Variants in EXOC6B observed in about 807,000 individuals in gnomAD.
EXOC6B encodes the protein SEC15 homolog B.
Under a neutral mutation model 113.5 loss-of-function variants are expected in EXOC6B, and 54 were observed. The observed-to-expected ratio is 0.48, with a 90% CI of 0.38 to 0.60. EXOC6B has a LOEUF of 0.60. EXOC6B is among the 20% of genes least tolerant of loss of function. The pLI, the probability that EXOC6B is intolerant of heterozygous loss-of-function variation, is 0.00. For synonymous variants in EXOC6B, 357 were observed against 339.0 expected, an observed-to-expected ratio of 1.05 and a Z score of -0.58; for missense variants, 797 against 977.5, an observed-to-expected ratio of 0.82 and a Z score of 2.46.
At chr2:72,268,662 TG>T (rs1246462062) in intron 20 of EXOC6B, among the ~76,000 whole-genome samples, 1 of 152,076 alleles carries the variant, frequency 6.6e-6, no homozygotes, top group African/African-American at 2.4e-5. Context: ...GTTTGGGTCA[TG>T]GGGGCGGATC....
In EXOC6B at chr2:72,725,263, C is replaced by A. The variant is rs554044337; in HGVS notation, c.464+5744G>T. 2.0e-5 allele frequency among the ~76,000 whole-genome samples: 3 copies of A among 152,254 alleles called. No individual in the cohort carries two copies. The South Asian group carries it at 6.2e-4, about 32-fold the overall frequency. ...CTCAGAAGCCAGAAGACAATGAAAT[C>A]ATCATGTCTTATAAACTAATGAAAC... is the stretch of plus-strand genomic sequence containing the variant. On this transcript the variant is annotated intron_variant, in intron 5 of 21. Coordinates refer to ENST00000272427, the MANE Select transcript of EXOC6B (RefSeq NM_015189.3).
chr2:72,562,904 C>A (rs1703967030), intron 7 of EXOC6B, among the ~76,000 whole-genome samples: 1 of 152,102 alleles, frequency 6.6e-6, no homozygotes, highest in Non-Finnish European at 1.5e-5. Flanking sequence ...GATTATCCTG[C>A]TTTTTTAACT....
At chr2:72,425,903 T>G (rs1487974717) in intron 18 of EXOC6B, among the ~76,000 whole-genome samples, 2 of 152,218 alleles carry the variant, frequency 1.3e-5, no homozygotes, top group Non-Finnish European at 2.9e-5. Context: ...TACTTGATTT[T>G]TAAAAACATT....
intron 18 of EXOC6B, among the ~76,000 whole-genome samples, 177 bp from the exon 19 acceptor site, chr2:72,380,047 T>C (rs763932882): frequency 6.6e-5 from 10 of 152,224 alleles, no homozygotes; most frequent in Non-Finnish European, 1.3e-4. Context: ...GCAATCATCT[T>C]ATATAATAGC....
intron 18 of EXOC6B, chr2:72,464,534 C>G (rs1697914331): frequency 6.6e-6 from 1 of 152,264 alleles, no homozygotes; most frequent in Non-Finnish European, 1.5e-5. Flanking sequence ...AAAACATGAA[C>G]CTTTTCTGGT....
rs539032982 is a variant in EXOC6B at position 72,581,070 on chromosome 2, C to T, written c.670-5402G>A. Reference sequence around the variant, plus strand: ...AGAGAAACCAAAGCTACAATAACATCCCATCAACAATACAGTAAAGTGGAA... The same window carrying T: ...AGAGAAACCAAAGCTACAATAACATTCCATCAACAATACAGTAAAGTGGAA... On this transcript the variant is annotated intron_variant, in intron 6 of 21. Coordinates refer to ENST00000272427, the MANE Select transcript of EXOC6B (RefSeq NM_015189.3). Among the ~76,000 whole-genome samples the T allele has an allele frequency of 5.3e-5, 8 of 152,300 alleles. 1 individual carries two copies. Among genetic ancestry groups the T allele is most frequent in the African/African-American group, 1.9e-4 (8 of 41,554 alleles).
chr2:72,307,160 A>AGTTTTTTTTT (rs1686914144), intron 20 of EXOC6B, among the ~76,000 whole-genome samples: 2 of 107,760 alleles, frequency 1.9e-5, no homozygotes, highest in African/African-American at 1.7e-4. Flanking sequence ...GGTATAGTCC[A>AGTTTTTTTTT]GTTTTTTTTT....
At chr2:72,561,209 C>T (rs779546225) in intron 7 of EXOC6B, among the ~76,000 whole-genome samples, 3 of 151,872 alleles carry the variant, frequency 2.0e-5, no homozygotes, top group Non-Finnish European at 4.4e-5. Flanking sequence ...TACAGCTAAG[C>T]AAAACACATT....
intron 20 of EXOC6B, among the ~76,000 whole-genome samples, chr2:72,301,101 CAT>C (rs1477288656): frequency 7.4e-6 from 1 of 135,596 alleles, no homozygotes; most frequent in Non-Finnish European, 1.5e-5. Context: ...TTGATATAAT[CAT>C]GTGATTTTTT....
At chr2:72,305,322 G>GTGTATATGTATA (rs3036342) in intron 20 of EXOC6B, among the ~76,000 whole-genome samples, 31,664 of 144,348 alleles carry the variant, frequency 0.22, 4,028 homozygotes, top group Admixed American at 0.27. Context: ...ATATGGGTGT[G>GTGTATATGTATA]TGTATATGTA....
intron 6 of EXOC6B, among the ~76,000 whole-genome samples, chr2:72,601,339 T>G (rs1411282621): frequency 6.6e-6 from 1 of 151,968 alleles, no homozygotes; most frequent in Non-Finnish European, 1.5e-5. Context: ...CCCACCACCA[T>G]GCCCAGCTAA....
rs62149326 is a variant in EXOC6B at position 72,460,788 on chromosome 2, C to A, written c.1980+4372G>T. On this transcript the variant is annotated intron_variant, in intron 18 of 21. Transcript: ENST00000272427. ...CTGTAAACTAGTTCAACCATTGTGG[C>A]AGTCAGTGTGGTGATTCCTCAGGGA... Among the ~76,000 whole-genome samples, 1,294 of 151,598 alleles carry A rather than the reference C, an allele frequency of 8.5e-3. 25 individuals carry two copies. The highest frequency in any genetic ancestry group is 0.029 in the African/African-American group (1,184 of 41,026).
intron 20 of EXOC6B, among the ~76,000 whole-genome samples, chr2:72,259,177 C>T (rs1425979083): frequency 6.6e-6 from 1 of 152,174 alleles, no homozygotes; most frequent in Non-Finnish European, 1.5e-5. Flanking sequence ...CCCAGTACCA[C>T]CTCTCAGAGG....
chr2:72,743,264 A>C (rs1457752928), intron 1 of EXOC6B, among the ~76,000 whole-genome samples: 1 of 151,806 alleles, frequency 6.6e-6, no homozygotes, highest in African/African-American at 2.4e-5. Flanking sequence ...CTTTCCATCT[A>C]CTCCACCCCC....
intron 19 of EXOC6B, among the ~76,000 whole-genome samples, chr2:72,367,060 T>C (rs1244320111): frequency 1.3e-5 from 2 of 152,054 alleles, no homozygotes; most frequent in Non-Finnish European, 2.9e-5. Context: ...ATAAAATAAA[T>C]GAGTGTTTAA....
chr2:72,380,456 G>A (rs368182148), intron 18 of EXOC6B, among the ~76,000 whole-genome samples: 4 of 152,200 alleles, frequency 2.6e-5, no homozygotes, highest in East Asian at 1.9e-4. Context: ...TGGCTAACAC[G>A]GTGAAACCCA....
At chr2:72,298,769 C>T (rs1287323051) in intron 20 of EXOC6B, among the ~76,000 whole-genome samples, 1 of 152,146 alleles carries the variant, frequency 6.6e-6, no homozygotes, top group Non-Finnish European at 1.5e-5. Context: ...ATATGAAATT[C>T]CGGGTTGAAA....
chr2:72,248,151 T>C (rs755716142), intron 20 of EXOC6B, among the ~76,000 whole-genome samples: 2 of 152,212 alleles, frequency 1.3e-5, no homozygotes, highest in Non-Finnish European at 2.9e-5. Context: ...ACAAAAATGA[T>C]GATGACATGA....
chr2:72,744,513 C>G (rs2104827424), intron 1 of EXOC6B, among the ~76,000 whole-genome samples: 1 of 152,246 alleles, frequency 6.6e-6, no homozygotes, highest in Non-Finnish European at 1.5e-5. Context: ...TTCCCCCTTT[C>G]AAAGGAAAGG....
Sources: allele counts gnomAD v4.1 joint callset (sites outside exome capture counted in the v4.1 genomes callset), GRCh38; gene constraint gnomAD v4.1.1; transcripts MANE v1.5; gene names NCBI Gene and HGNC (gene_info 2026-07-23, HGNC 2026-07-21).